The following COL4A2 variants were observed in gnomAD, a reference collection of about 807,000 sequenced individuals.
The protein encoded by COL4A2 is collagen type IV alpha 2 chain, also known as collagen alpha-2(IV) chain.
A neutral mutation model predicts 200.2 loss-of-function variants in COL4A2; 99 were observed. The observed-to-expected ratio is 0.49, with a 90% CI of 0.42 to 0.58. COL4A2 has a LOEUF of 0.58. Among genes scored for constraint, COL4A2 ranks in the 20% least tolerant of loss-of-function variants. The pLI is 0.00. For synonymous variants in COL4A2, 897 were observed against 900.6 expected, an observed-to-expected ratio of 1.00 and a Z score of 0.07; for missense variants, 1,950 against 2,314.1, an observed-to-expected ratio of 0.84 and a Z score of 3.23.
intron 3 of COL4A2, among the ~76,000 whole-genome samples, chr13:110,350,392 AAG>A (rs1172640600): frequency 1.3e-5 from 2 of 152,340 alleles, no homozygotes; most frequent in South Asian, 2.1e-4. Flanking sequence ...AAAAAATTAA[AAG>A]AGAGAACTAC....
At position 110,472,720 on chromosome 13, in the gene COL4A2, G is replaced by A. The variant is rs556559054; in HGVS notation, c.2204-209G>A. On this transcript the variant is annotated intron_variant, in intron 28 of 47. Transcript: ENST00000360467. ...TTTTAGGGCTGGGGGGCCGAATGGC[G>A]GGGCAAGCAGAAGAAACATAACCAA... 8.4e-4 allele frequency among the ~76,000 whole-genome samples: 128 copies of A among 152,212 alleles called. 1 individual carries two copies. In the South Asian group the frequency reaches 0.013, roughly 16 times the overall value.
At chr13:110,417,353 A>G (rs1238252884) in intron 4 of COL4A2, among the ~76,000 whole-genome samples, 1 of 151,914 alleles carries the variant, frequency 6.6e-6, no homozygotes, top group African/African-American at 2.4e-5. Flanking sequence ...GTTCTCTATC[A>G]CATAAGCTCA....
Position 110,512,328 on chromosome 13 carries a change from T to G in COL4A2, c.*137T>G. The G allele has an allele frequency of 7.3e-7, 1 of 1,368,040 alleles. No homozygotes were observed. Among genetic ancestry groups the G allele is most frequent in the East Asian group, 2.5e-5 (1 of 39,624 alleles). 84.7% of individuals were successfully genotyped at this position (1,368,040 alleles called of 1,614,324 possible). A position where few individuals can be genotyped will look rare whatever the true frequency, so the allele number is the denominator to read the frequency against. On this transcript the variant is annotated 3_prime_UTR_variant, in exon 48 of 48. Coordinates refer to ENST00000360467, the MANE Select transcript of COL4A2 (RefSeq NM_001846.4). ...AGGAATTTGCATCCAGCAGCAGCAC[T>G]TAGACCTGCCAGCCACTGTCACCGA...
chr13:110,361,468 G>A (rs148008820), intron 4 of COL4A2, among the ~76,000 whole-genome samples: 1 of 152,276 alleles, frequency 6.6e-6, no homozygotes, highest in Non-Finnish European at 1.5e-5. Context: ...CTGCAGACTC[G>A]CCACACCCCA....
chr13:110,438,552 G>A (rs757090719), intron 14 of COL4A2, 66 bp from the exon 15 acceptor site: 40 of 1,587,416 alleles, frequency 2.5e-5, no homozygotes, highest in African/African-American at 1.7e-4. Flanking sequence ...AGGATGACAC[G>A]TGGGCCCTGT....
chr13:110,340,786 T>C (rs1034689927), intron 3 of COL4A2, among the ~76,000 whole-genome samples: 1 of 152,190 alleles, frequency 6.6e-6, no homozygotes, highest in Non-Finnish European at 1.5e-5. Context: ...AAACCCCAGC[T>C]TCTCGCTTGC....
At chr13:110,500,045 CCT>C (rs1008634253) in intron 40 of COL4A2, among the ~76,000 whole-genome samples, 16 of 152,310 alleles carry the variant, frequency 1.1e-4, no homozygotes, top group South Asian at 2.1e-4. Flanking sequence ...ACAAGCCTCA[CCT>C]CTCTAAATAT....
At position 110,353,787 on chromosome 13, in the gene COL4A2, G is replaced by A. The variant is rs139224716; in HGVS notation, c.100-3685G>A. On this transcript the variant is annotated intron_variant, in intron 3 of 47. Transcript: ENST00000360467. ...TGGGAACACACATACACACATGCAC[G>A]TGCGTGTGTGCACGCACGGCTGGCA... 1.8e-4 allele frequency among the ~76,000 whole-genome samples: 27 copies of A among 152,288 alleles called. No homozygotes were observed. In the South Asian group the frequency reaches 2.5e-3, roughly 14 times the overall value.
At position 110,473,038 on chromosome 13, in the gene COL4A2, C is replaced by A; in HGVS notation, c.2313C>A (p.Gly771=). The change falls in exon 29 of 48, where the codon GGC becomes GGA. Residue 771 remains glycine, a synonymous_variant. Coordinates refer to ENST00000360467, the MANE Select transcript of COL4A2 (RefSeq NM_001846.4). ...CAGATGGGCCCCCTGGGGAAAGGGG[C>A]CTCCCTGGAGAAGTCCTGGGAGCTC... ...PGPDGPPGER[G]LPGEVLGAQP... The A allele has an allele frequency of 2.0e-6, 3 of 1,514,124 alleles. No homozygotes were observed. Among genetic ancestry groups the A allele is most frequent in the African/African-American group, 1.4e-5 (1 of 71,260 alleles). The allele number at this position is 1,514,124 out of a possible 1,614,324, so 93.8% of individuals were successfully genotyped here. A position where few individuals can be genotyped will look rare whatever the true frequency, so the allele number is the denominator to read the frequency against.
chr13:110,372,603 G>A (rs907414306), intron 4 of COL4A2, among the ~76,000 whole-genome samples: 1 of 152,092 alleles, frequency 6.6e-6, no homozygotes, highest in Non-Finnish European at 1.5e-5. Flanking sequence ...TTTCTTGTTT[G>A]TAAAGATCTC....
chr13:110,471,733 T>G (rs1927354), intron 28 of COL4A2, among the ~76,000 whole-genome samples: 91,304 of 151,954 alleles, frequency 0.6, 27,588 homozygotes, highest in South Asian at 0.69. Flanking sequence ...GCCCAGGAGG[T>G]CCCCGGGCCC....
chr13:110,463,656 C>T (rs1348805417), intron 24 of COL4A2, among the ~76,000 whole-genome samples: 1 of 152,152 alleles, frequency 6.6e-6, no homozygotes, highest in Admixed American at 6.5e-5. Flanking sequence ...CCTCAACCTC[C>T]CGAGTACCTG....
chr13:110,425,708 A>C (rs901971938), intron 6 of COL4A2, among the ~76,000 whole-genome samples: 2 of 152,140 alleles, frequency 1.3e-5, no homozygotes, highest in Admixed American at 6.5e-5. Context: ...ATATACACAG[A>C]TGTGTGTGCC....
intron 4 of COL4A2, among the ~76,000 whole-genome samples, chr13:110,364,382 T>TATATA (rs1405716544): frequency 1.3e-5 from 2 of 152,216 alleles, no homozygotes; most frequent in Non-Finnish European, 2.9e-5. Context: ...AACTGGCCCA[T>TATATA]TATCTATCAA....
intron 4 of COL4A2, among the ~76,000 whole-genome samples, chr13:110,390,376 C>T (rs1225105453): frequency 6.6e-6 from 1 of 152,228 alleles, no homozygotes; most frequent in Non-Finnish European, 1.5e-5. Context: ...CACGCAGTGA[C>T]CCTGCACAGG....
At chr13:110,318,929 G>A (rs1301460908) in intron 3 of COL4A2, among the ~76,000 whole-genome samples, 8 of 151,970 alleles carry the variant, frequency 5.3e-5, no homozygotes, top group Admixed American at 3.9e-4. Flanking sequence ...ATTTCATTAT[G>A]GGCAGGTTGG....
rs566970545 is a variant in COL4A2, at chr13:110,482,296, G to A, written c.2759-220G>A. On this transcript the variant is annotated intron_variant, in intron 31 of 47. Transcript: ENST00000360467. Reference sequence around the variant, plus strand: ...CTTTGTGTGTTTCCTTGTTGCCAATGTCCGGTCTGAAGACAGGCTGATTCT... The same window carrying A: ...CTTTGTGTGTTTCCTTGTTGCCAATATCCGGTCTGAAGACAGGCTGATTCT... Among the ~76,000 whole-genome samples, 6 of 152,328 alleles carry A rather than the reference G, an allele frequency of 3.9e-5. No individual in the cohort carries two copies. The Middle Eastern group carries it at 0.017, about 432-fold the overall frequency.
At chr13:110,316,588 G>GATGCTTCCAGCAATCCTGAAT (rs1435058701) in intron 3 of COL4A2, among the ~76,000 whole-genome samples, 1 of 152,160 alleles carries the variant, frequency 6.6e-6, no homozygotes, top group Non-Finnish European at 1.5e-5. Flanking sequence ...GCATCCTGAA[G>GATGCTTCCAGCAATCCTGAAT]ATGCTTCCAG....
At chr13:110,315,552 T>A (rs2081285384) in intron 3 of COL4A2, among the ~76,000 whole-genome samples, 1 of 152,116 alleles carries the variant, frequency 6.6e-6, no homozygotes, top group South Asian at 2.1e-4. Flanking sequence ...CGAGTCACCA[T>A]TCTCAGCTAA....
Sources: gnomAD v4.1 joint callset for allele counts (sites outside exome capture counted in the v4.1 genomes callset) on GRCh38, gnomAD v4.1.1 for gene constraint, MANE v1.5 for transcripts, NCBI Gene and HGNC (gene_info 2026-07-23, HGNC 2026-07-21) for gene names.